The following UTP18 variants were observed in gnomAD, a reference collection of about 807,000 sequenced individuals.
UTP18 encodes the protein U3 small nucleolar RNA-associated protein 18 homolog.
Under a neutral mutation model 61.1 loss-of-function variants are expected in UTP18, and 36 were observed. The observed-to-expected ratio is 0.59, with a 90% CI of 0.45 to 0.78. The LOEUF is 0.78. Ranked by LOEUF, UTP18 falls within the 30% of genes least tolerant of loss-of-function variation. UTP18 has a pLI of 0.00. For missense variants in UTP18, 753 were observed against 693.9 expected (o/e 1.09, Z -0.96); for synonymous variants, 282 against 251.1 (o/e 1.12, Z -1.16).
At chr17:51,275,706 GT>G (rs1407346825) in intron 5 of UTP18, among the ~76,000 whole-genome samples, 159 bp from the exon 6 acceptor site, 12 of 150,758 alleles carry the variant, frequency 8.0e-5, no homozygotes, top group Admixed American at 7.9e-4. Flanking sequence ...CAGAGCTGCG[GT>G]TTTTTTGTTT....
chr17:51,295,755 A>T (rs1419534815), intron 12 of UTP18, among the ~76,000 whole-genome samples: 2 of 152,156 alleles, frequency 1.3e-5, no homozygotes, highest in African/African-American at 2.4e-5. Flanking sequence ...TGGTAGCTTG[A>T]TGGGGATGGC....
chr17:51,286,681 A>G lies in UTP18; in HGVS notation c.1328+1313A>G, dbSNP rs548282792. 14 of 401,588 alleles carry G rather than the reference A, an allele frequency of 3.5e-5. No homozygotes were observed. The Admixed American group carries it at 3.7e-4, about 11-fold the overall frequency. The allele number at this position is 401,588 out of a possible 1,614,324, so 24.9% of individuals were successfully genotyped here. A position where few individuals can be genotyped will look rare whatever the true frequency, so the allele number is the denominator to read the frequency against. On this transcript the variant is annotated intron_variant, in intron 10 of 13. Transcript: ENST00000225298. ...TCCTTTCCTACCCATACCCGTGCCA[A>G]CCCTGTAGCGAGGGACATCTCAGCA...
intron 9 of UTP18, among the ~76,000 whole-genome samples, 182 bp from the exon 10 acceptor site, chr17:51,285,061 CAA>C (rs370210639): frequency 1.7e-4 from 18 of 108,974 alleles, no homozygotes; most frequent in Non-Finnish European, 1.4e-4. Context: ...AACTGCATCT[CAA>C]AAAAAAAAAA....
chr17:51,260,838 C>T lies in UTP18; in HGVS notation c.254C>T (p.Pro85Leu), dbSNP rs746546839. The change falls in exon 1 of 14, where the codon CCG (proline) becomes CTG (leucine). Residue 85 changes from proline to leucine, a missense_variant. Coordinates refer to ENST00000225298, the MANE Select transcript of UTP18 (RefSeq NM_016001.3). Reference protein sequence around the residue: ...RNRLRLEEDKPAVERCLEELV... With the variant: ...RNRLRLEEDKLAVERCLEELV... ...CGCCTGAGGCTGGAGGAGGACAAAC[C>T]GGCCGTGGAGCGGTGCTTGGAGGAG... 3.3e-5 allele frequency: 52 copies of T among 1,598,826 alleles called. No homozygotes were observed. Among genetic ancestry groups the T allele is most frequent in the Non-Finnish European group, 4.2e-5 (49 of 1,173,660 alleles).
chr17:51,261,850 GGGT>G (rs1370754668), intron 1 of UTP18, among the ~76,000 whole-genome samples: 6 of 151,894 alleles, frequency 4.0e-5, no homozygotes, highest in Non-Finnish European at 8.8e-5. Context: ...AGCCGCCTTC[GGGT>G]GCTTGTAGGA....
At chr17:51,272,876 AG>A (rs1255987428) in intron 4 of UTP18, among the ~76,000 whole-genome samples, 1 of 152,164 alleles carries the variant, frequency 6.6e-6, no homozygotes, top group African/African-American at 2.4e-5. Flanking sequence ...AGTCATCTCC[AG>A]GGGGAAAAGC....
rs1328610820 is a variant in UTP18 at position 51,260,818 on chromosome 17, G to A, written c.234G>A (p.Leu78=). The change falls in exon 1 of 14, where the codon CTG becomes CTA. Residue 78 remains leucine, a synonymous_variant. Coordinates refer to ENST00000225298, the MANE Select transcript of UTP18 (RefSeq NM_016001.3). ...EERRLRQRNR[L]RLEEDKPAVE... ...GACGGCTCCGGCAGCGGAACCGCCT[G>A]AGGCTGGAGGAGGACAAACCGGCCG... 3.1e-6 allele frequency: 5 copies of A among 1,592,568 alleles called. No individual in the cohort carries two copies. Among genetic ancestry groups the A allele is most frequent in the African/African-American group, 2.7e-5 (2 of 74,486 alleles).
intron 4 of UTP18, among the ~76,000 whole-genome samples, chr17:51,272,358 C>G (rs1264532100): frequency 2.0e-5 from 3 of 152,150 alleles, no homozygotes; most frequent in African/African-American, 7.2e-5. Context: ...CTCGGCCTCG[C>G]AAAGTGCTGG....
At chr17:51,283,043 T>C (rs894307427) in intron 9 of UTP18, among the ~76,000 whole-genome samples, 1 of 151,826 alleles carries the variant, frequency 6.6e-6, no homozygotes, top group African/African-American at 2.4e-5. Context: ...TAATTTTTTG[T>C]ATTTTAGTAG....
intron 9 of UTP18, among the ~76,000 whole-genome samples, chr17:51,282,880 T>G (rs1844427654): frequency 7.1e-6 from 1 of 140,410 alleles, no homozygotes; most frequent in Non-Finnish European, 1.5e-5. Context: ...TTTTTTTTTT[T>G]TTTTTTGAGA....
chr17:51,275,928 G>A lies in UTP18; in HGVS notation c.774G>A (p.Gln258=), dbSNP rs1485268713. ...RPTVARISSV[Q]FHPGAQIVMV... is the part of the protein sequence containing the mutation. The stretch of plus-strand genomic sequence containing the variant: ...CTGTTGCTCGGATCTCATCTGTGCA[G>A]TTCCATCCCGGTGCACAGATTGTGA... The change falls in exon 6 of 14, where the codon CAG becomes CAA. Residue 258 remains glutamine, a synonymous_variant. Coordinates refer to ENST00000225298, the MANE Select transcript of UTP18 (RefSeq NM_016001.3). The A allele has an allele frequency of 6.2e-7, 1 of 1,613,268 alleles. No homozygotes were observed. The highest frequency in any genetic ancestry group is 8.5e-7 in the Non-Finnish European group (1 of 1,179,696).
intron 11 of UTP18, among the ~76,000 whole-genome samples, chr17:51,291,392 T>TA (rs963782885): frequency 2.6e-5 from 4 of 152,124 alleles, no homozygotes; most frequent in African/African-American, 9.7e-5. Flanking sequence ...TAGGACATTG[T>TA]AAACAATTCC....
intron 9 of UTP18, among the ~76,000 whole-genome samples, chr17:51,281,720 T>C (rs1476179836): frequency 7.2e-5 from 11 of 152,226 alleles, no homozygotes; most frequent in Admixed American, 3.9e-4. Flanking sequence ...AATGTTAACA[T>C]TGGGGGGGAA....
chr17:51,283,112 ACCTGCCTCGGC>A (rs538813389), intron 9 of UTP18, among the ~76,000 whole-genome samples: 178 of 149,228 alleles, frequency 1.2e-3, no homozygotes, highest in Non-Finnish European at 2.1e-3. Flanking sequence ...CAGGCAACCC[ACCTGCCTCGGC>A]CTCCCAAAGT....
Position 51,269,096 on chromosome 17 carries a change from G to A in UTP18, c.622+192G>A, listed in dbSNP as rs11079953. On this transcript the variant is annotated intron_variant, in intron 4 of 13. Coordinates refer to ENST00000225298, the MANE Select transcript of UTP18 (RefSeq NM_016001.3). Reference sequence around the variant, plus strand: ...GAGTCCAGGAGTTTAAGACCAGACCGGGTGACATGGCGAAACCCCATCTCT... The same window carrying A: ...GAGTCCAGGAGTTTAAGACCAGACCAGGTGACATGGCGAAACCCCATCTCT... Among the ~76,000 whole-genome samples the A allele has an allele frequency of 0.39, 59,083 of 151,596 alleles. 13,067 individuals are homozygous for A. The highest frequency in any genetic ancestry group is 0.6 in the East Asian group (3,102 of 5,144).
chr17:51,263,376 G>A lies in UTP18; in HGVS notation c.445G>A (p.Asp149Asn), dbSNP rs770238004. Residue 149 changes from aspartate to asparagine, a missense_variant, in exon 2 of 14, where the codon GAT (aspartate) becomes AAT (asparagine). By Grantham distance (23) the Asp-to-Asn change is conservative. Coordinates refer to ENST00000225298, the MANE Select transcript of UTP18 (RefSeq NM_016001.3). Reference protein sequence around the residue: ...KPVWVDEEDEDEEMVDMMNNR... With the variant: ...KPVWVDEEDENEEMVDMMNNR... ...AGTTTGGGTGGATGAAGAAGATGAA[G>A]ATGAGGAAATGTAAGTTGCCTAACT... 3.7e-6 allele frequency: 6 copies of A among 1,613,642 alleles called. No homozygotes were observed. The African/African-American group carries it at 5.3e-5, about 14-fold the overall frequency.
intron 11 of UTP18, among the ~76,000 whole-genome samples, chr17:51,289,726 C>T (rs780590293): frequency 2.0e-5 from 3 of 152,182 alleles, no homozygotes; most frequent in Non-Finnish European, 4.4e-5. Flanking sequence ...GTGTGTACTA[C>T]CAGATTGTAC....
rs1410219140 is a variant in UTP18, at chr17:51,275,895, A to G, written c.741A>G (p.Glu247=). Residue 247 remains glutamate (E), a synonymous_variant, in exon 6 of 14, where the codon GAA becomes GAG. Transcript: ENST00000225298. ...AGAACTGCCAGCATGCGAATGCTGAACGTCCTACTGTTGCTCGGATCTCAT... is the reference window on the plus strand; with the variant it reads ...AGAACTGCCAGCATGCGAATGCTGAGCGTCCTACTGTTGCTCGGATCTCAT... ...KMKNCQHANA[E]RPTVARISSV... 6.2e-7 allele frequency: 1 copy of G among 1,608,172 alleles called. No individual in the cohort carries two copies. Among genetic ancestry groups the G allele is most frequent in the Non-Finnish European group, 8.5e-7 (1 of 1,178,222 alleles).
At chr17:51,292,090 TTTATATA>T (rs1264555410) in intron 11 of UTP18, among the ~76,000 whole-genome samples, 1 of 152,234 alleles carries the variant, frequency 6.6e-6, no homozygotes. Context: ...TTATCACAAA[TTTATATA>T]ATATCTGCCT....
Sources: gnomAD v4.1 joint callset for allele counts (sites outside exome capture counted in the v4.1 genomes callset) on GRCh38, gnomAD v4.1.1 for gene constraint, MANE v1.5 for transcripts, NCBI Gene and HGNC (gene_info 2026-07-23, HGNC 2026-07-21) for gene names.